TLK2: variants seen among roughly 807,000 people sequenced by gnomAD.
TLK2 encodes tousled like kinase 2, also known as serine/threonine-protein kinase tousled-like 2.
Under a neutral mutation model 117.3 loss-of-function variants are expected in TLK2, and 6 were observed. The ratio of observed to expected loss-of-function variants is 0.05; its 90% CI spans 0.03 to 0.10. TLK2 has a LOEUF of 0.10. Among genes scored for constraint, TLK2 ranks in the 10% least tolerant of loss-of-function variants. TLK2 has a pLI of 1.00. For synonymous variants in TLK2, 257 were observed against 316.7 expected (o/e 0.81, Z 2.00); for missense variants, 299 against 901.2 (o/e 0.33, Z 8.56).
chr17:62,601,272 G>A (rs1333011906), intron 18 of TLK2, among the ~76,000 whole-genome samples: 1 of 152,102 alleles, frequency 6.6e-6, no homozygotes, highest in Non-Finnish European at 1.5e-5. Context: ...TAGCTTTGAT[G>A]TTCATCAGCA....
chr17:62,491,547 A>G (rs2073113199), intron 2 of TLK2, among the ~76,000 whole-genome samples: 1 of 152,038 alleles, frequency 6.6e-6, no homozygotes, highest in Admixed American at 6.6e-5. Context: ...TTTGGAATCT[A>G]CTTCCTAATA....
chr17:62,504,253 C>T (rs2074470455), intron 2 of TLK2, among the ~76,000 whole-genome samples: 1 of 152,136 alleles, frequency 6.6e-6, no homozygotes, highest in Admixed American at 6.6e-5. Context: ...CACTGTATTA[C>T]CCTCATCCCC....
At chr17:62,501,836 G>A (rs751551663) in intron 2 of TLK2, among the ~76,000 whole-genome samples, 30 of 152,044 alleles carry the variant, frequency 2.0e-4, no homozygotes, top group Middle Eastern at 3.4e-3. Context: ...GTGTGGTGGT[G>A]CACGCCTGTG....
chr17:62,602,231 A>G (rs921101802), intron 19 of TLK2, 51 bp downstream of exon 19: 3 of 1,574,736 alleles, frequency 1.9e-6, no homozygotes, highest in Middle Eastern at 1.7e-4. Context: ...TGGCTCTGCT[A>G]TGCTGAAGTG....
intron 2 of TLK2, among the ~76,000 whole-genome samples, chr17:62,513,176 G>A (rs1205300860): frequency 6.6e-6 from 1 of 151,728 alleles, no homozygotes; most frequent in African/African-American, 2.4e-5. Context: ...CACCACACCC[G>A]GCCGAGTTAA....
At chr17:62,516,826 A>C in intron 2 of TLK2, 1 of 1,074,048 alleles carries the variant, frequency 9.3e-7, no homozygotes, top group Non-Finnish European at 1.4e-6. Context: ...TCTTATGTTT[A>C]GGTCTTTGAT....
rs538422678 is a variant in TLK2, at chr17:62,606,390, C to T, written c.1971+149C>T. On this transcript the variant is annotated intron_variant, in intron 20 of 21. Transcript: ENST00000346027. The stretch of plus-strand genomic sequence containing the variant: ...AGGAGTGGTTTAAAGAAAATACAGA[C>T]TTAATAATACAAGCCTTATTCGTAA... The T allele has an allele frequency of 3.5e-5, 16 of 456,594 alleles. 1 individual carries two copies. The highest frequency in any genetic ancestry group is 6.0e-4 in the Middle Eastern group (2 of 3,312). The allele number at this position is 456,594 out of a possible 1,614,324, so 28.3% of individuals were successfully genotyped here.
At chr17:62,556,522 A>AT (rs1179271751) in intron 9 of TLK2, among the ~76,000 whole-genome samples, 1 of 152,188 alleles carries the variant, frequency 6.6e-6, no homozygotes, top group African/African-American at 2.4e-5. Flanking sequence ...TGTGTGCAGG[A>AT]TTTTTGTGTC....
intron 7 of TLK2, among the ~76,000 whole-genome samples, chr17:62,539,460 T>G (rs2077346928): frequency 6.6e-6 from 1 of 151,750 alleles, no homozygotes; most frequent in Non-Finnish European, 1.5e-5. Flanking sequence ...CATTTTCTTC[T>G]TAACCTCCCT....
At chr17:62,484,059 T>C (rs1402149663) in intron 2 of TLK2, among the ~76,000 whole-genome samples, 1 of 152,024 alleles carries the variant, frequency 6.6e-6, no homozygotes. Flanking sequence ...CCCGACCTTG[T>C]GATGTGCCTG....
At chr17:62,521,892 A>G (rs1598365547) in intron 3 of TLK2, among the ~76,000 whole-genome samples, 1 of 152,322 alleles carries the variant, frequency 6.6e-6, no homozygotes, top group South Asian at 2.1e-4. Context: ...AGAACTTAAC[A>G]TATGGTGGAC....
chr17:62,580,407 AT>A (rs1320226872), intron 15 of TLK2, among the ~76,000 whole-genome samples: 2 of 151,824 alleles, frequency 1.3e-5, no homozygotes, highest in African/African-American at 4.8e-5. Context: ...AAAATAAATA[AT>A]TATAGATTTA....
chr17:62,506,058 C>T (rs2074663005), intron 2 of TLK2, among the ~76,000 whole-genome samples: 1 of 152,208 alleles, frequency 6.6e-6, no homozygotes, highest in South Asian at 2.1e-4. Flanking sequence ...AGCCATGGGC[C>T]TGTACCTTGG....
At chr17:62,549,429 A>AAAAAAGT in intron 7 of TLK2, among the ~76,000 whole-genome samples, 1 of 122,838 alleles carries the variant, frequency 8.1e-6, no homozygotes, top group Non-Finnish European at 1.8e-5. Context: ...AAAAAAAAAA[A>AAAAAAGT]AAAAAAAATA....
intron 16 of TLK2, among the ~76,000 whole-genome samples, chr17:62,595,577 T>TTCC (rs1465159921): frequency 3.3e-5 from 5 of 151,100 alleles, no homozygotes; most frequent in African/African-American, 9.7e-5. Context: ...TTTTTTTTTC[T>TTCC]TCCTCAGTTC....
intron 16 of TLK2, among the ~76,000 whole-genome samples, chr17:62,591,325 G>A (rs1005325475): frequency 6.6e-6 from 1 of 151,798 alleles, no homozygotes; most frequent in Non-Finnish European, 1.5e-5. Context: ...TTAGCACTCT[G>A]TGTAAAACTG....
At chr17:62,592,630 C>G (rs1233132216) in intron 16 of TLK2, among the ~76,000 whole-genome samples, 1 of 152,186 alleles carries the variant, frequency 6.6e-6, no homozygotes, top group Non-Finnish European at 1.5e-5. Context: ...TGGTTTCCAG[C>G]CTTTTTGGCA....
chr17:62,594,044 C>T (rs992674481), intron 16 of TLK2, among the ~76,000 whole-genome samples: 2 of 151,736 alleles, frequency 1.3e-5, no homozygotes, highest in African/African-American at 2.4e-5. Context: ...CCGCCTGCCT[C>T]AGCCTCCCAA....
intron 2 of TLK2, among the ~76,000 whole-genome samples, chr17:62,490,208 A>T (rs2072961517): frequency 6.6e-6 from 1 of 152,246 alleles, no homozygotes; most frequent in Non-Finnish European, 1.5e-5. Context: ...TGCTAAACAT[A>T]TACTAGACCT....
Sources: allele counts gnomAD v4.1 joint callset (sites outside exome capture counted in the v4.1 genomes callset), GRCh38; gene constraint gnomAD v4.1.1; transcripts MANE v1.5; gene names NCBI Gene and HGNC (gene_info 2026-07-23, HGNC 2026-07-21).